The following ATP2B2 variants were observed in gnomAD, a reference collection of about 807,000 sequenced individuals.
ATP2B2 encodes the protein plasma membrane calcium-transporting ATPase 2.
ATP2B2 carries 15 observed loss-of-function variants against 120.0 expected under a neutral mutation model. The observed-to-expected ratio is 0.12, with a 90% CI of 0.08 to 0.19. The LOEUF is 0.19. Among genes scored for constraint, ATP2B2 ranks in the 10% least tolerant of loss-of-function variants. The pLI, the probability that ATP2B2 is intolerant of heterozygous loss-of-function variation, is 1.00. For missense variants in ATP2B2, 1,045 were observed against 1,719.8 expected (o/e 0.61, Z 6.94); for synonymous variants, 694 against 700.3 (o/e 0.99, Z 0.14).
intron 1 of ATP2B2, among the ~76,000 whole-genome samples, chr3:10,481,093 A>G (rs1456476085): frequency 1.3e-5 from 2 of 152,364 alleles, no homozygotes; most frequent in East Asian, 1.9e-4. Context: ...ATTCCTGAGA[A>G]TGAAGATAAC....
At chr3:10,351,615 A>G (rs896994745) in intron 14 of ATP2B2, among the ~76,000 whole-genome samples, 1 of 152,126 alleles carries the variant, frequency 6.6e-6, no homozygotes, top group Non-Finnish European at 1.5e-5. Context: ...ATTCCCCCCA[A>G]AAGACAGACT....
intron 12 of ATP2B2, among the ~76,000 whole-genome samples, chr3:10,366,878 CT>C (rs1244885171): frequency 6.6e-6 from 1 of 152,174 alleles, no homozygotes; most frequent in African/African-American, 2.4e-5. Flanking sequence ...CAATTTCTGA[CT>C]AAAAGATGAT....
rs1189455392 is a variant in ATP2B2, at chr3:10,378,328, C to G, written c.1125G>C (p.Lys375Asn). The G allele has an allele frequency of 3.1e-6, 5 of 1,609,428 alleles. No homozygotes were observed. Among genetic ancestry groups the G allele is most frequent in the Non-Finnish European group, 4.2e-6 (5 of 1,180,022 alleles). The stretch of plus-strand genomic sequence containing the variant: ...ACTTCTCCTTCTTGTGCATGCTGGC[C>G]TTCTTCCTGTCGTCAGCGTCGCCGC... ...AEGGDADDRK[K>N]ASMHKKEKSV... The change falls in exon 10 of 23, where the codon AAG (lysine) becomes AAC (asparagine). Residue 375 changes from lysine (K) to asparagine (N), a missense_variant. Physicochemically the swap from Lys to Asn is moderately conservative, Grantham distance 94. Coordinates refer to ENST00000360273, the MANE Select transcript of ATP2B2 (RefSeq NM_001001331.4).
At chr3:10,565,120 A>G (rs2067983017) in intron 2 of ATP2B2, among the ~76,000 whole-genome samples, 1 of 152,212 alleles carries the variant, frequency 6.6e-6, no homozygotes, top group South Asian at 2.1e-4. Flanking sequence ...TGAGGACAAT[A>G]TCCTAAGGGG....
At chr3:10,698,377 G>A (rs1232551942) in intron 1 of ATP2B2, among the ~76,000 whole-genome samples, 2 of 152,234 alleles carry the variant, frequency 1.3e-5, no homozygotes, top group Admixed American at 6.5e-5. Context: ...TGGCATGGAT[G>A]AGCCACTGGG....
In ATP2B2 at chr3:10,601,684, G is replaced by A. The variant is rs558170702; in HGVS notation, c.-415+18233C>T. Among the ~76,000 whole-genome samples the A allele has an allele frequency of 3.3e-5, 5 of 152,264 alleles. No individual in the cohort carries two copies. The East Asian group carries it at 9.7e-4, about 29-fold the overall frequency. On this transcript the variant is annotated intron_variant, in intron 2 of 21. Coordinates refer to the ATP2B2 transcript ENST00000646379. ...CTGGTGGCTCACCAGAGCCTGGCAG[G>A]GAAGGACCCCGGGGAGGGGAACGCC...
chr3:10,620,841 C>A (rs1393907032), intron 1 of ATP2B2, among the ~76,000 whole-genome samples: 2 of 152,184 alleles, frequency 1.3e-5, no homozygotes, highest in African/African-American at 4.8e-5. Flanking sequence ...CAGCCACCTC[C>A]CTGGACACAC....
In ATP2B2 at chr3:10,404,187, C is replaced by G. The variant is rs1361614237; in HGVS notation, c.398-1839G>C. On this transcript the variant is annotated intron_variant, in intron 3 of 22. Transcript: ENST00000360273. ...TCACTGTGGCCCAGCTGCATGCACC[C>G]CTGGAAAATTCCAGGTCTTGCACTG... is the stretch of plus-strand genomic sequence containing the variant. Among the ~76,000 whole-genome samples, 5 of 152,146 alleles carry G rather than the reference C, an allele frequency of 3.3e-5. No homozygotes were observed. The East Asian group carries it at 9.6e-4, about 29-fold the overall frequency.
intron 1 of ATP2B2, among the ~76,000 whole-genome samples, chr3:10,504,458 G>A (rs1353216928): frequency 6.6e-6 from 1 of 152,074 alleles, no homozygotes; most frequent in African/African-American, 2.4e-5. Context: ...GGTCGGGCTT[G>A]CCTGCTCACT....
intron 1 of ATP2B2, among the ~76,000 whole-genome samples, chr3:10,472,896 C>A (rs965378396): frequency 6.6e-6 from 1 of 152,242 alleles, no homozygotes; most frequent in African/African-American, 2.4e-5. Flanking sequence ...CATTTATCAT[C>A]TCAGTAGCCC....
rs560269318 is a variant in ATP2B2, at chr3:10,544,718, G to A, written c.-414-10585C>T. On this transcript the variant is annotated intron_variant, in intron 2 of 21. Coordinates refer to the ATP2B2 transcript ENST00000646379. Reference sequence around the variant, plus strand: ...CTGTGCTCAAGAGCCCCAGATCACTGACCTTGGCAGCTAAGCCTGAGTTAA... The same window carrying A: ...CTGTGCTCAAGAGCCCCAGATCACTAACCTTGGCAGCTAAGCCTGAGTTAA... Among the ~76,000 whole-genome samples the A allele has an allele frequency of 1.7e-4, 26 of 152,310 alleles. No homozygotes were observed. In the South Asian group the frequency reaches 5.4e-3, roughly 32 times the overall value.
intron 1 of ATP2B2, among the ~76,000 whole-genome samples, chr3:10,621,633 G>T (rs76380515): frequency 0.011 from 1,680 of 152,312 alleles, 30 homozygotes; most frequent in African/African-American, 0.038. Context: ...GTCAGGAGAC[G>T]GGGAGTTAGC....
chr3:10,583,551 T>C (rs866703409), intron 2 of ATP2B2, among the ~76,000 whole-genome samples: 2 of 152,202 alleles, frequency 1.3e-5, no homozygotes, highest in African/African-American at 4.8e-5. Flanking sequence ...CCTGATTGCA[T>C]ATTTCATTCA....
chr3:10,607,947 C>T (rs574524844), intron 2 of ATP2B2, among the ~76,000 whole-genome samples: 101 of 152,324 alleles, frequency 6.6e-4, no homozygotes, highest in Non-Finnish European at 1.3e-3. Context: ...CTCCCTCTCT[C>T]TTCCACCTGC....
intron 1 of ATP2B2, among the ~76,000 whole-genome samples, chr3:10,484,382 G>A (rs2065543397): frequency 6.6e-6 from 1 of 152,120 alleles, no homozygotes; most frequent in African/African-American, 2.4e-5. Context: ...GATTCTAGAA[G>A]GGACAGGCTG....
chr3:10,443,134 T>C (rs760258137), intron 2 of ATP2B2, among the ~76,000 whole-genome samples: 17 of 152,210 alleles, frequency 1.1e-4, no homozygotes, highest in Non-Finnish European at 2.2e-4. Context: ...TTTAGCCATG[T>C]TATATTTCAG....
chr3:10,666,060 G>C (rs112738835), intron 1 of ATP2B2, among the ~76,000 whole-genome samples: 1 of 152,126 alleles, frequency 6.6e-6, no homozygotes, highest in Non-Finnish European at 1.5e-5. Flanking sequence ...GGCGCCACAG[G>C]GACAGAATCG....
intron 2 of ATP2B2, among the ~76,000 whole-genome samples, chr3:10,415,866 T>C (rs547740398): frequency 6.6e-6 from 1 of 152,314 alleles, no homozygotes; most frequent in Non-Finnish European, 1.5e-5. Context: ...CTTTCAAATG[T>C]CAATTTTCTT....
At chr3:10,558,068 G>A (rs1158991161) in intron 2 of ATP2B2, among the ~76,000 whole-genome samples, 1 of 152,226 alleles carries the variant, frequency 6.6e-6, no homozygotes, top group East Asian at 1.9e-4. Context: ...ACTGAAGTGT[G>A]CTTCTGGCAT....
Sources: gnomAD v4.1 joint callset for allele counts (sites outside exome capture counted in the v4.1 genomes callset) on GRCh38, gnomAD v4.1.1 for gene constraint, MANE v1.5 for transcripts, NCBI Gene and HGNC (gene_info 2026-07-23, HGNC 2026-07-21) for gene names.